PARD3B: variants seen among roughly 807,000 people sequenced by gnomAD.
The protein encoded by PARD3B is partitioning defective 3 homolog B.
In PARD3B, 103 loss-of-function variants were observed where a neutral mutation model predicts 130.2. The ratio of observed to expected loss-of-function variants is 0.79; its 90% CI spans 0.67 to 0.93. PARD3B has a LOEUF of 0.93. PARD3B is among the 40% of genes least tolerant of loss of function. The pLI is 0.00. For missense variants in PARD3B, 1,609 were observed against 1,499.2 expected, an observed-to-expected ratio of 1.07 and a Z score of -1.21; for synonymous variants, 583 against 553.2, an observed-to-expected ratio of 1.05 and a Z score of -0.76.
rs535905255 is a variant in PARD3B, at chr2:205,541,871, C to T, written c.3181-11453C>T. On this transcript the variant is annotated intron_variant, in intron 21 of 22. Coordinates refer to ENST00000406610, the MANE Select transcript of PARD3B (RefSeq NM_001302769.2). ...AAGCACATGTTTGGCTGGCCAGACACGGTGGCTCACACCTGTAATCCCAGC... is the reference window on the plus strand; with the variant it reads ...AAGCACATGTTTGGCTGGCCAGACATGGTGGCTCACACCTGTAATCCCAGC... Among the ~76,000 whole-genome samples, 424 of 151,800 alleles carry T rather than the reference C, an allele frequency of 2.8e-3. 7 individuals carry two copies. The highest frequency in any genetic ancestry group is 9.7e-3 in the African/African-American group (404 of 41,438).
chr2:205,088,423 A>G lies in PARD3B; in HGVS notation c.505-16003A>G, dbSNP rs369206869. ...ATTGTTATATTTCTTTTTTAAAATA[A>G]TAGGGTAAAATGTGATAAGCTGGGC... is the stretch of plus-strand genomic sequence containing the variant. On this transcript the variant is annotated intron_variant, in intron 4 of 22. Coordinates refer to ENST00000406610, the MANE Select transcript of PARD3B (RefSeq NM_001302769.2). 2.2e-4 allele frequency among the ~76,000 whole-genome samples: 34 copies of G among 152,298 alleles called. 1 individual carries two copies. The East Asian group carries it at 3.1e-3, about 14-fold the overall frequency.
chr2:204,556,059 A>T (rs1047138659), intron 1 of PARD3B, among the ~76,000 whole-genome samples: 2 of 151,832 alleles, frequency 1.3e-5, no homozygotes, highest in African/African-American at 4.8e-5. Context: ...TCATTTCTGA[A>T]CCCTTAGATT....
intron 2 of PARD3B, among the ~76,000 whole-genome samples, chr2:204,766,322 A>T (rs2041146121): frequency 6.6e-6 from 1 of 152,188 alleles, no homozygotes; most frequent in African/African-American, 2.4e-5. Flanking sequence ...AATATTTAAT[A>T]TTCTCATTAT....
intron 1 of PARD3B, among the ~76,000 whole-genome samples, chr2:204,581,273 A>G (rs1230959529): frequency 6.6e-6 from 1 of 152,200 alleles, no homozygotes; most frequent in African/African-American, 2.4e-5. Context: ...GAGGTCATCT[A>G]ATTCTCCTAA....
chr2:205,399,614 CA>C (rs1266012328), intron 18 of PARD3B, among the ~76,000 whole-genome samples: 1 of 152,286 alleles, frequency 6.6e-6, no homozygotes, highest in East Asian at 1.9e-4. Context: ...CTTGGCCTCC[CA>C]AAGTGCTGGG....
intron 4 of PARD3B, among the ~76,000 whole-genome samples, chr2:205,101,405 A>G (rs1702781045): frequency 6.6e-6 from 1 of 152,240 alleles, no homozygotes; most frequent in South Asian, 2.1e-4. Flanking sequence ...AAGTCTATGG[A>G]GATATTAAAA....
intron 18 of PARD3B, among the ~76,000 whole-genome samples, chr2:205,303,378 GT>G (rs1371734331): frequency 1.3e-5 from 2 of 152,112 alleles, no homozygotes; most frequent in African/African-American, 4.8e-5. Context: ...AGTCACTAAT[GT>G]AGGTGATTTT....
rs1050054285 is a variant in PARD3B at position 205,451,768 on chromosome 2, C to G, written c.3044+11096C>G. On this transcript the variant is annotated intron_variant, in intron 20 of 22. Coordinates refer to ENST00000406610, the MANE Select transcript of PARD3B (RefSeq NM_001302769.2). ...GGCATACAATGCATAATAATCACATCATGGAAAATGGGATCTCCATCCCTT... is the reference window on the plus strand; with the variant it reads ...GGCATACAATGCATAATAATCACATGATGGAAAATGGGATCTCCATCCCTT... Among the ~76,000 whole-genome samples the G allele has an allele frequency of 2.6e-5, 4 of 151,680 alleles. No individual in the cohort carries two copies. In the East Asian group the frequency reaches 7.7e-4, roughly 29 times the overall value.
chr2:204,865,019 G>C (rs1446364221), intron 2 of PARD3B, among the ~76,000 whole-genome samples: 1 of 151,990 alleles, frequency 6.6e-6, no homozygotes, highest in African/African-American at 2.4e-5. Context: ...GAAACATATG[G>C]AAAAATGCTC....
chr2:204,707,569 G>A (rs957602621), intron 2 of PARD3B, among the ~76,000 whole-genome samples: 5 of 152,016 alleles, frequency 3.3e-5, no homozygotes, highest in Admixed American at 3.3e-4. Context: ...ATGAATTATA[G>A]CTTGTTATAA....
At chr2:204,720,053 T>C (rs2125317611) in intron 2 of PARD3B, among the ~76,000 whole-genome samples, 1 of 138,690 alleles carries the variant, frequency 7.2e-6, no homozygotes, top group South Asian at 2.2e-4. Context: ...GACATTGCTG[T>C]CTTTATGGCA....
intron 1 of PARD3B, among the ~76,000 whole-genome samples, chr2:204,629,882 T>A: frequency 6.6e-6 from 1 of 152,166 alleles, no homozygotes. Flanking sequence ...ACTATAGACT[T>A]TTTTCTGATC....
intron 21 of PARD3B, among the ~76,000 whole-genome samples, chr2:205,512,987 TTC>T (rs1253278479): frequency 9.6e-5 from 11 of 114,014 alleles, no homozygotes; most frequent in East Asian, 4.7e-4. Context: ...CTTTTTTTCC[TTC>T]TTTTTTTTTT....
intron 10 of PARD3B, among the ~76,000 whole-genome samples, chr2:205,129,324 A>C (rs190537840): frequency 0.012 from 1,764 of 152,350 alleles, 19 homozygotes; most frequent in Middle Eastern, 0.058. Context: ...ACCTTGCAGG[A>C]AGTTTAAAAA....
At chr2:205,208,820 A>G (rs1458206456) in intron 15 of PARD3B, among the ~76,000 whole-genome samples, 1 of 144,496 alleles carries the variant, frequency 6.9e-6, no homozygotes, top group Non-Finnish European at 1.5e-5. Flanking sequence ...ATTCAATGCC[A>G]TCCCCATCAA....
At chr2:205,493,763 T>G (rs917114530) in intron 20 of PARD3B, among the ~76,000 whole-genome samples, 10 of 144,072 alleles carry the variant, frequency 6.9e-5, no homozygotes, top group South Asian at 4.4e-4. Context: ...TATTTATTTA[T>G]TTATTTATTT....
At chr2:204,682,623 G>A (rs1187409322) in intron 1 of PARD3B, among the ~76,000 whole-genome samples, 1 of 152,186 alleles carries the variant, frequency 6.6e-6, no homozygotes, top group Non-Finnish European at 1.5e-5. Context: ...GCATGGCTGA[G>A]AACTGTAATT....
intron 1 of PARD3B, among the ~76,000 whole-genome samples, chr2:204,574,770 T>G (rs541019316): frequency 6.6e-6 from 1 of 152,310 alleles, no homozygotes; most frequent in East Asian, 1.9e-4. Context: ...CTGTATCATG[T>G]CTGTGTTTCT....
rs924878151 is a variant in PARD3B, at chr2:205,274,590, T to A, written c.2186-25940T>A. Among the ~76,000 whole-genome samples, 8 of 152,098 alleles carry A rather than the reference T, an allele frequency of 5.3e-5. No homozygotes were observed. The highest frequency in any genetic ancestry group is 1.0e-4 in the Non-Finnish European group (7 of 67,984). On this transcript the variant is annotated intron_variant, in intron 16 of 22. Transcript: ENST00000406610. The surrounding 1 kb of genome is among the most constrained non-coding windows in gnomAD (Gnocchi z 4.2). ...TCCCTTAATTTACATGGTATACTTTTACATTGATTTTTTTATAAATCATTT... is the reference window on the plus strand; with the variant it reads ...TCCCTTAATTTACATGGTATACTTTAACATTGATTTTTTTATAAATCATTT...
Sources: allele counts gnomAD v4.1 joint callset (sites outside exome capture counted in the v4.1 genomes callset), GRCh38; gene constraint gnomAD v4.1.1; non-coding constraint Gnocchi (gnomAD v3.1); transcripts MANE v1.5; gene names NCBI Gene and HGNC (gene_info 2026-07-23, HGNC 2026-07-21).